The following CCDC191 variants were observed in gnomAD, a reference collection of about 807,000 sequenced individuals.
CCDC191 encodes coiled-coil domain-containing protein 191.
CCDC191 carries 99 observed loss-of-function variants against 114.0 expected under a neutral mutation model. The ratio of observed to expected loss-of-function variants is 0.87; its 90% confidence interval spans 0.74 to 1.03. CCDC191 has a LOEUF of 1.03. Ranked by LOEUF, CCDC191 falls within the 50% of genes least tolerant of loss-of-function variation. The pLI is 0.00. For synonymous variants in CCDC191, 351 were observed against 376.0 expected (o/e 0.93, Z 0.77); for missense variants, 973 against 1,087.0 (o/e 0.90, Z 1.47).
At chr3:113,993,093 A>G (rs1449486252) in intron 13 of CCDC191, among the ~76,000 whole-genome samples, 1 of 152,200 alleles carries the variant, frequency 6.6e-6, no homozygotes, top group African/African-American at 2.4e-5. Flanking sequence ...AGCATGTGAC[A>G]AAACTCAACA....
chr3:114,042,905 A>G, intron 3 of CCDC191, 59 bp from the exon 4 acceptor site: 3 of 1,462,418 alleles, frequency 2.1e-6, no homozygotes, highest in Non-Finnish European at 2.8e-6. Flanking sequence ...TTCTTTATTC[A>G]CTGTTTTCAT....
At chr3:114,021,914 ATT>A (rs1481273278) in intron 7 of CCDC191, among the ~76,000 whole-genome samples, 2 of 151,928 alleles carry the variant, frequency 1.3e-5, no homozygotes, top group East Asian at 3.9e-4. Flanking sequence ...CCATGTTTTT[ATT>A]TCTGTTAGAT....
rs1240839689 is a variant in CCDC191, at chr3:114,005,767, G to A, written c.1609C>T (p.Leu537Phe). The change falls in exon 10 of 17, where the codon CTC becomes TTC. Residue 537 changes from leucine to phenylalanine, a missense_variant. Transcript: ENST00000295878. ...TCTGCTTTCTGGCTGGTAGTTCTGA[G>A]TGTCTCGTTGCTGCCAGGCTGTTGA... ...PSQQPGSNET[L>F]RTTSQKAEPL... is the part of the protein sequence containing the mutation. The A allele has an allele frequency of 1.2e-6, 2 of 1,614,012 alleles. No individual in the cohort carries two copies. Among genetic ancestry groups the A allele is most frequent in the African/African-American group, 1.3e-5 (1 of 74,928 alleles).
intron 1 of CCDC191, among the ~76,000 whole-genome samples, chr3:114,055,042 T>C (rs1207399344): frequency 6.6e-6 from 1 of 151,836 alleles, no homozygotes; most frequent in Non-Finnish European, 1.5e-5. Flanking sequence ...AATAAGGGGA[T>C]ATCTAAACTA....
intron 13 of CCDC191, among the ~76,000 whole-genome samples, chr3:113,986,495 A>AAACCAACC (rs1478800341): frequency 6.6e-6 from 1 of 152,204 alleles, no homozygotes; most frequent in Non-Finnish European, 1.5e-5. Context: ...AGCCAAGACC[A>AAACCAACC]AACCAACCAA....
intron 4 of CCDC191, among the ~76,000 whole-genome samples, chr3:114,038,972 G>A (rs908038408): frequency 6.6e-6 from 1 of 151,948 alleles, no homozygotes; most frequent in Non-Finnish European, 1.5e-5. Flanking sequence ...AACCACCATG[G>A]CACATGTCTA....
intron 9 of CCDC191, among the ~76,000 whole-genome samples, chr3:114,007,286 G>C (rs889273087): frequency 6.6e-6 from 1 of 152,186 alleles, no homozygotes; most frequent in African/African-American, 2.4e-5. Flanking sequence ...AGAGAAAAAT[G>C]CTATGAGCTA....
intron 13 of CCDC191, among the ~76,000 whole-genome samples, chr3:113,993,253 G>A (rs1032000148): frequency 6.6e-6 from 1 of 152,074 alleles, no homozygotes; most frequent in Non-Finnish European, 1.5e-5. Flanking sequence ...GTAACATAGT[G>A]ACACCCAGAC....
At chr3:113,985,836 CG>C (rs2075336024) in intron 13 of CCDC191, among the ~76,000 whole-genome samples, 1 of 152,122 alleles carries the variant, frequency 6.6e-6, no homozygotes, top group African/African-American at 2.4e-5. Flanking sequence ...GCCCAATTCC[CG>C]GCTAAATTAG....
At chr3:113,968,779 T>G (rs1940494853) in intron 16 of CCDC191, among the ~76,000 whole-genome samples, 1 of 150,846 alleles carries the variant, frequency 6.6e-6, no homozygotes, top group Admixed American at 6.6e-5. Context: ...TTAAATTGGA[T>G]TTTTTTTTGC....
In CCDC191 at chr3:114,031,787, T is replaced by C; in HGVS notation, c.819-8A>G. On this transcript the variant is annotated splice_region_variant and splice_polypyrimidine_tract_variant and intron_variant, in intron 6 of 16. Coordinates refer to ENST00000295878, the MANE Select transcript of CCDC191 (RefSeq NM_020817.2). ...TCTTGCCTTTTCTTCTCTCTATTAA[T>C]AACAATTTAAAAATACATGTATATT... 2 of 1,197,246 alleles carry C rather than the reference T, an allele frequency of 1.7e-6. No homozygotes were observed. The highest frequency in any genetic ancestry group is 2.4e-6 in the Non-Finnish European group (2 of 829,330). The allele number at this position is 1,197,246 out of a possible 1,614,324, so 74.2% of individuals were successfully genotyped here. A position where few individuals can be genotyped will look rare whatever the true frequency, so the allele number is the denominator to read the frequency against.
rs2075874269 is a variant in CCDC191, at chr3:114,002,516, T to A, written c.2001A>T (p.Gln667His). Residue 667 changes from glutamine to histidine, a missense_variant, in exon 12 of 17, where the codon CAA becomes CAT. Gln to His is a conservative substitution (Grantham distance 24, BLOSUM62 0). Transcript: ENST00000295878. The part of the protein sequence containing the change: ...ILKAMEERAI[Q>H]RAECRRILAE... Reference sequence around the variant, plus strand: ...CCAAGATCCGCCTACATTCAGCTCGTTGAATTGCTCTCTCTTCCATAGCTA... The same window carrying A: ...CCAAGATCCGCCTACATTCAGCTCGATGAATTGCTCTCTCTTCCATAGCTA... 3 of 1,610,808 alleles carry A rather than the reference T, an allele frequency of 1.9e-6. No individual in the cohort carries two copies. The highest frequency in any genetic ancestry group is 2.5e-6 in the Non-Finnish European group (3 of 1,178,712).
intron 2 of CCDC191, among the ~76,000 whole-genome samples, chr3:114,049,137 C>G (rs1042439172): frequency 6.6e-6 from 1 of 152,186 alleles, no homozygotes; most frequent in Admixed American, 6.5e-5. Context: ...GAAAACAGAA[C>G]ATACAGGCAA....
chr3:114,026,636 G>A (rs1024483994), intron 7 of CCDC191, among the ~76,000 whole-genome samples: 1 of 152,066 alleles, frequency 6.6e-6, no homozygotes, highest in African/African-American at 2.4e-5. Context: ...AAGGAATCAT[G>A]GTATATAAAT....
rs118177127 is a variant in CCDC191 at position 114,020,336 on chromosome 3, C to T, written c.973-1468G>A. ...GAATTCTTAGAAATTGTCTATTTGG[C>T]CAGAAATGTTTTCCAAACAGGGTAT... On this transcript the variant is annotated intron_variant, in intron 7 of 16. Transcript: ENST00000295878. Among the ~76,000 whole-genome samples, 9 of 152,166 alleles carry T rather than the reference C, an allele frequency of 5.9e-5. No homozygotes were observed. The East Asian group carries it at 1.7e-3, about 29-fold the overall frequency.
At chr3:113,993,345 A>G (rs1437936380) in intron 13 of CCDC191, among the ~76,000 whole-genome samples, 1 of 152,208 alleles carries the variant, frequency 6.6e-6, no homozygotes, top group African/African-American at 2.4e-5. Context: ...AGAATTCACA[A>G]TGCCTATAAA....
At chr3:113,966,273 G>T (rs1003770252) in intron 16 of CCDC191, among the ~76,000 whole-genome samples, 1 of 152,208 alleles carries the variant, frequency 6.6e-6, no homozygotes, top group Non-Finnish European at 1.5e-5. Context: ...TGGTATGGAA[G>T]ACTGTTTAAG....
chr3:114,031,588 C>T, intron 7 of CCDC191, 38 bp downstream of exon 7: 1 of 1,543,582 alleles, frequency 6.5e-7, no homozygotes, highest in Non-Finnish European at 8.9e-7. Flanking sequence ...GTCATTTATA[C>T]TACAGAATGC....
chr3:113,992,531 G>A (rs2075602286), intron 13 of CCDC191, among the ~76,000 whole-genome samples: 1 of 152,096 alleles, frequency 6.6e-6, no homozygotes, highest in African/African-American at 2.4e-5. Context: ...GAAAAACCCA[G>A]GACTTCATTG....
Sources: allele counts gnomAD v4.1 joint callset (sites outside exome capture counted in the v4.1 genomes callset), GRCh38; gene constraint gnomAD v4.1.1; transcripts MANE v1.5; gene names NCBI Gene and HGNC (gene_info 2026-07-23, HGNC 2026-07-21).